NRXN1: variants seen among roughly 807,000 people sequenced by gnomAD.
The protein encoded by NRXN1 is neurexin 1.
A neutral mutation model predicts 150.9 loss-of-function variants in NRXN1; 39 were observed. That is an observed-to-expected ratio of 0.26 (90% CI 0.20 to 0.34). The LOEUF (loss-of-function observed/expected upper bound fraction) is 0.34, where lower values mean the gene tolerates loss of function less well. NRXN1 is among the 10% of genes least tolerant of loss of function. NRXN1 has a pLI of 1.00. For missense variants in NRXN1, 1,815 were observed against 1,949.9 expected, an observed-to-expected ratio of 0.93 and a Z score of 1.30; for synonymous variants, 924 against 757.0, an observed-to-expected ratio of 1.22 and a Z score of -3.62.
chr2:51,031,773 T>A (rs1671596391), intron 1 of NRXN1, among the ~76,000 whole-genome samples: 8 of 152,098 alleles, frequency 5.3e-5, no homozygotes, highest in Admixed American at 5.2e-4. Context: ...GCCTTTAAGT[T>A]ACTACCCCAG....
intron 22 of NRXN1, among the ~76,000 whole-genome samples, chr2:49,933,720 G>T (rs1325896377): frequency 1.3e-5 from 2 of 152,138 alleles, no homozygotes; most frequent in African/African-American, 4.8e-5. Flanking sequence ...TATCTGAGGA[G>T]GATGAGGACT....
At chr2:50,671,498 A>C (rs1688845192) in intron 5 of NRXN1, among the ~76,000 whole-genome samples, 1 of 151,688 alleles carries the variant, frequency 6.6e-6, no homozygotes, top group Admixed American at 6.6e-5. Context: ...TAAGTGATAC[A>C]TATACATTAC....
chr2:50,166,455 T>C (rs2059695784), intron 18 of NRXN1, among the ~76,000 whole-genome samples: 1 of 152,042 alleles, frequency 6.6e-6, no homozygotes. Flanking sequence ...TGAAGAAGCT[T>C]GGAAGCAGTT....
At chr2:50,145,640 C>T (rs1300854211) in intron 18 of NRXN1, among the ~76,000 whole-genome samples, 1 of 151,646 alleles carries the variant, frequency 6.6e-6, no homozygotes, top group Non-Finnish European at 1.5e-5. Context: ...AGGCTCTTAG[C>T]TGTGTCACCA....
At chr2:49,995,263 G>A (rs559000334) in intron 21 of NRXN1, among the ~76,000 whole-genome samples, 1 of 152,238 alleles carries the variant, frequency 6.6e-6, no homozygotes, top group Admixed American at 6.5e-5. Context: ...ATAACTAATT[G>A]AAATGAATGT....
intron 5 of NRXN1, among the ~76,000 whole-genome samples, chr2:50,754,414 C>T (rs1700953025): frequency 6.6e-6 from 1 of 151,698 alleles, no homozygotes; most frequent in African/African-American, 2.4e-5. Context: ...CCATTTTTTC[C>T]AAACAATTGA....
At position 50,347,277 on chromosome 2, in the gene NRXN1, C is replaced by A; in HGVS notation, c.3365-110307G>T. The A allele has an allele frequency of 7.7e-7, 1 of 1,301,362 alleles. No homozygotes were observed. The highest frequency in any genetic ancestry group is 1.0e-6 in the Non-Finnish European group (1 of 998,552). The allele number at this position is 1,301,362 out of a possible 1,614,324, so 80.6% of individuals were successfully genotyped here. ...GCTCCAGGTTCTCGAGAGATACTCC[C>A]AAAGAGTTTCGGGCGAGAGTGCGTG... On this transcript the variant is annotated intron_variant, in intron 17 of 22. Coordinates refer to ENST00000401669, the MANE Select transcript of NRXN1 (RefSeq NM_001330078.2). This position sits in a 1 kb window ranked among gnomAD's most constrained non-coding sequence, Gnocchi z 4.9.
chr2:50,559,448 C>G (rs1008785178), intron 8 of NRXN1, among the ~76,000 whole-genome samples: 2 of 152,160 alleles, frequency 1.3e-5, no homozygotes, highest in African/African-American at 2.4e-5. Flanking sequence ...ATGGTAGGAT[C>G]AATCAAATGC....
intron 21 of NRXN1, among the ~76,000 whole-genome samples, chr2:49,965,698 T>A (rs1265987915): frequency 6.6e-6 from 1 of 152,212 alleles, no homozygotes; most frequent in South Asian, 2.1e-4. Flanking sequence ...GAGGATCTCA[T>A]TTGGCAGTTT....
chr2:50,185,431 T>C (rs1413490430), intron 18 of NRXN1: 1 of 152,064 alleles, frequency 6.6e-6, no homozygotes, highest in Non-Finnish European at 1.5e-5. Flanking sequence ...AGTCAAGAAG[T>C]TCTCTCCTTC....
chr2:50,837,218 C>G (rs757404487), intron 5 of NRXN1, among the ~76,000 whole-genome samples: 2 of 152,238 alleles, frequency 1.3e-5, no homozygotes, highest in Non-Finnish European at 2.9e-5. Flanking sequence ...GTAGTGTTAT[C>G]TACTCATAGC....
At chr2:50,492,458 C>T (rs2091307226) in intron 15 of NRXN1, among the ~76,000 whole-genome samples, 1 of 151,986 alleles carries the variant, frequency 6.6e-6, no homozygotes, top group Non-Finnish European at 1.5e-5. Context: ...AATACATGAG[C>T]CCCAGTTTTC....
intron 5 of NRXN1, among the ~76,000 whole-genome samples, chr2:50,756,295 C>T (rs1392739306): frequency 2.0e-5 from 3 of 151,578 alleles, no homozygotes; most frequent in Non-Finnish European, 4.4e-5. Context: ...ACTTCCACCT[C>T]ACAAGTATAG....
chr2:50,166,895 A>G (rs1167175841), intron 18 of NRXN1, among the ~76,000 whole-genome samples: 1 of 152,138 alleles, frequency 6.6e-6, no homozygotes, highest in Non-Finnish European at 1.5e-5. Flanking sequence ...TGTTTAAAAC[A>G]TTTGTTGAGG....
At chr2:50,148,311 C>T (rs764956368) in intron 18 of NRXN1, among the ~76,000 whole-genome samples, 2 of 151,482 alleles carry the variant, frequency 1.3e-5, no homozygotes, top group Non-Finnish European at 3.0e-5. Context: ...ATGTCAGTTT[C>T]CTCATTTATA....
At chr2:50,652,078 G>C (rs575194134) in intron 5 of NRXN1, among the ~76,000 whole-genome samples, 3 of 152,154 alleles carry the variant, frequency 2.0e-5, no homozygotes, top group Admixed American at 6.6e-5. Context: ...AAACCAGAGA[G>C]GTAGCATCAA....
At chr2:50,195,691 A>C (rs2061713479) in intron 18 of NRXN1, among the ~76,000 whole-genome samples, 1 of 152,124 alleles carries the variant, frequency 6.6e-6, no homozygotes, top group Non-Finnish European at 1.5e-5. Context: ...TTTTGTATAG[A>C]CTGAGAAACT....
intron 19 of NRXN1, among the ~76,000 whole-genome samples, chr2:50,069,219 CTTAACTCTTCT>C (rs1431543070): frequency 6.6e-6 from 1 of 152,152 alleles, no homozygotes; most frequent in Middle Eastern, 3.2e-3. Flanking sequence ...ACTAGAATGC[CTTAACTCTTCT>C]TTTTGCCCAA....
chr2:50,497,330 C>T lies in NRXN1; in HGVS notation c.2879+3G>A, dbSNP rs773875952. The T allele has an allele frequency of 1.3e-6, 2 of 1,520,340 alleles. No individual in the cohort carries two copies. Among genetic ancestry groups the T allele is most frequent in the Non-Finnish European group, 1.8e-6 (2 of 1,137,386 alleles). 94.2% of individuals were successfully genotyped at this position (1,520,340 alleles called of 1,614,324 possible). On this transcript the variant is annotated splice_donor_region_variant and intron_variant, in intron 14 of 22. Transcript: ENST00000401669. ...ATTTGCTATTGAACAGGCATGTACT[C>T]ACCCTTTAACTAATTCAACCACAAT...
Sources: allele counts gnomAD v4.1 joint callset (sites outside exome capture counted in the v4.1 genomes callset), GRCh38; gene constraint gnomAD v4.1.1; non-coding constraint Gnocchi (gnomAD v3.1); transcripts MANE v1.5; gene names NCBI Gene and HGNC (gene_info 2026-07-23, HGNC 2026-07-21).